Variants in RPH3AL observed in about 807,000 individuals in gnomAD.
RPH3AL encodes the protein rabphilin 3A like (without C2 domains).
Under a neutral mutation model 43.1 loss-of-function variants are expected in RPH3AL, and 38 were observed. That is an observed-to-expected ratio of 0.88 (90% CI 0.68 to 1.15). The LOEUF (loss-of-function observed/expected upper bound fraction) is 1.15, where lower values mean the gene tolerates loss of function less well. RPH3AL is among the 50% of genes most tolerant of loss of function. The pLI, the probability that RPH3AL is intolerant of heterozygous loss-of-function variation, is 0.00. For missense variants in RPH3AL, 462 were observed against 423.2 expected (o/e 1.09, Z -0.81); for synonymous variants, 189 against 176.3 (o/e 1.07, Z -0.57).
chr17:228,354 C>T (rs925184073), intron 7 of RPH3AL, among the ~76,000 whole-genome samples: 1 of 152,142 alleles, frequency 6.6e-6, no homozygotes, highest in Non-Finnish European at 1.5e-5. Context: ...AGTCCTTTAC[C>T]TCTCTGTGTG....
chr17:334,335 A>G (rs751525713), intron 1 of RPH3AL, among the ~76,000 whole-genome samples: 30 of 152,372 alleles, frequency 2.0e-4, no homozygotes, highest in Non-Finnish European at 3.2e-4. Flanking sequence ...TTTGAAAAAC[A>G]TATCCGGAGG....
At chr17:216,451 G>C (rs2040805392) in intron 8 of RPH3AL, among the ~76,000 whole-genome samples, 1 of 152,146 alleles carries the variant, frequency 6.6e-6, no homozygotes, top group Non-Finnish European at 1.5e-5. Flanking sequence ...ACTCACTAAA[G>C]GGTCTTCACT....
chr17:227,753 G>A (rs573978663), intron 7 of RPH3AL, among the ~76,000 whole-genome samples: 2 of 152,156 alleles, frequency 1.3e-5, no homozygotes, highest in East Asian at 1.9e-4. Flanking sequence ...TGTGAGCTAC[G>A]GCCACTCTGC....
intron 3 of RPH3AL, 62 bp from the exon 4 acceptor site, chr17:321,477 A>G (rs2044470823): frequency 6.8e-7 from 1 of 1,469,822 alleles, no homozygotes; most frequent in Non-Finnish European, 9.0e-7. Context: ...GGCAGCCCCT[A>G]CCACATCCAC....
At position 246,642 on chromosome 17, in the gene RPH3AL, C is replaced by T. The variant is rs377574687; in HGVS notation, c.613+469G>A. Among the ~76,000 whole-genome samples the T allele has an allele frequency of 8.5e-5, 13 of 152,230 alleles. No individual in the cohort carries two copies. Among genetic ancestry groups the T allele is most frequent in the South Asian group, 8.3e-4 (4 of 4,804 alleles). On this transcript the variant is annotated intron_variant, in intron 7 of 9. Coordinates refer to ENST00000331302, the MANE Select transcript of RPH3AL (RefSeq NM_006987.4). This position sits in a 1 kb window ranked among gnomAD's most constrained non-coding sequence, Gnocchi z 4.8. ...ACACACCTTACTGTAGCCACCAGAA[C>T]GCCCAGGGACACTGGGATACAAAGT... is the stretch of plus-strand genomic sequence containing the variant.
intron 7 of RPH3AL, among the ~76,000 whole-genome samples, chr17:238,734 C>A (rs8074031): frequency 0.46 from 70,005 of 151,934 alleles, 16,221 homozygotes; most frequent in East Asian, 0.53. Context: ...GCTACTTTCA[C>A]CTCCCACCCC....
At chr17:279,452 C>G (rs952416352) in intron 6 of RPH3AL, among the ~76,000 whole-genome samples, 4 of 152,186 alleles carry the variant, frequency 2.6e-5, no homozygotes, top group Non-Finnish European at 5.9e-5. Flanking sequence ...CTCATATTCT[C>G]TGCCTTAGGA....
intron 6 of RPH3AL, among the ~76,000 whole-genome samples, chr17:266,561 CT>C (rs1555548080): frequency 6.6e-6 from 1 of 152,212 alleles, no homozygotes; most frequent in Non-Finnish European, 1.5e-5. Flanking sequence ...CAAATCCCCC[CT>C]GGGGCAGCAA....
Position 308,612 on chromosome 17 carries a change from G to A in RPH3AL, c.351+10808C>T, listed in dbSNP as rs1044027383. Among the ~76,000 whole-genome samples the A allele has an allele frequency of 3.9e-5, 6 of 152,324 alleles. No individual in the cohort carries two copies. In the South Asian group the frequency reaches 8.3e-4, roughly 21 times the overall value. ...ATGCACATACAGTGAAATTTTCCTC[G>A]CCTTAAAAAGGATGGAAATTCCTAC... On this transcript the variant is annotated intron_variant, in intron 5 of 9. Coordinates refer to ENST00000331302, the MANE Select transcript of RPH3AL (RefSeq NM_006987.4).
At chr17:237,874 G>A (rs1283022679) in intron 7 of RPH3AL, among the ~76,000 whole-genome samples, 2 of 152,338 alleles carry the variant, frequency 1.3e-5, no homozygotes, top group African/African-American at 2.4e-5. Flanking sequence ...CAGGCCGGGT[G>A]CGGTGGCTCA....
rs150312846 is a variant in RPH3AL at position 219,380 on chromosome 17, G to A, written c.727+243C>T. 2.2e-4 allele frequency among the ~76,000 whole-genome samples: 34 copies of A among 151,136 alleles called. 2 individuals are homozygous for A. The East Asian group carries it at 6.4e-3, about 29-fold the overall frequency. On this transcript the variant is annotated intron_variant, in intron 8 of 9. Transcript: ENST00000331302. ...CACCCAGCTAATTTTCATATTTTTA[G>A]TAGAGGTGGGGTTTCACCATGTTGG...
At chr17:334,916 G>A (rs1258815443) in intron 1 of RPH3AL, among the ~76,000 whole-genome samples, 7 of 152,040 alleles carry the variant, frequency 4.6e-5, no homozygotes, top group African/African-American at 1.4e-4. Context: ...CAGCAAGTGC[G>A]GCTCCTCCTT....
intron 6 of RPH3AL, among the ~76,000 whole-genome samples, chr17:266,974 T>C (rs2042340086): frequency 6.6e-6 from 1 of 152,198 alleles, no homozygotes; most frequent in African/African-American, 2.4e-5. Flanking sequence ...CCAAGCTTCA[T>C]CTCTGGCCTC....
chr17:249,851 G>A (rs560564833), intron 6 of RPH3AL, among the ~76,000 whole-genome samples: 3 of 148,112 alleles, frequency 2.0e-5, no homozygotes, highest in South Asian at 2.1e-4. Flanking sequence ...CCTTTACCAA[G>A]CTCCGTCGCT....
intron 5 of RPH3AL, among the ~76,000 whole-genome samples, chr17:282,242 AAAT>A (rs2042798487): frequency 6.6e-6 from 1 of 152,242 alleles, no homozygotes; most frequent in African/African-American, 2.4e-5. Flanking sequence ...TGCTGCCTGG[AAAT>A]AATGCGATTC....
At chr17:302,387 C>A (rs985233762) in intron 5 of RPH3AL, among the ~76,000 whole-genome samples, 3 of 152,212 alleles carry the variant, frequency 2.0e-5, no homozygotes, top group Non-Finnish European at 4.4e-5. Context: ...CCACCCACTA[C>A]GTCCGTCCTT....
At position 274,507 on chromosome 17, in the gene RPH3AL, G is replaced by A. The variant is rs888553341; in HGVS notation, c.438+7261C>T. Among the ~76,000 whole-genome samples, 3 of 152,258 alleles carry A rather than the reference G, an allele frequency of 2.0e-5. No individual in the cohort carries two copies. Among genetic ancestry groups the A allele is most frequent in the African/African-American group, 7.2e-5 (3 of 41,464 alleles). On this transcript the variant is annotated intron_variant, in intron 6 of 9. Coordinates refer to ENST00000331302, the MANE Select transcript of RPH3AL (RefSeq NM_006987.4). The surrounding 1 kb of genome is among the most constrained non-coding windows in gnomAD (Gnocchi z 4.7). ...TCCAGAATCTAGCCAGTCCGGCAAT[G>A]TGAGTTGCATTGGGGAAGGAGTATT...
chr17:244,811 C>T (rs1597921092), intron 7 of RPH3AL, among the ~76,000 whole-genome samples: 2 of 152,162 alleles, frequency 1.3e-5, no homozygotes, highest in Admixed American at 6.5e-5. Flanking sequence ...TCTGCTCCTC[C>T]CCAGGGTGTG....
In RPH3AL at chr17:246,985, C is replaced by T. The variant is rs1340485328; in HGVS notation, c.613+126G>A. ...GTGGAGCTGAGGGCACAGGGAGGGACGCATCACCAGAATGAGCCTCGTGGA... is the reference window on the plus strand; with the variant it reads ...GTGGAGCTGAGGGCACAGGGAGGGATGCATCACCAGAATGAGCCTCGTGGA... On this transcript the variant is annotated intron_variant, in intron 7 of 9. Coordinates refer to ENST00000331302, the MANE Select transcript of RPH3AL (RefSeq NM_006987.4). The surrounding 1 kb of genome is among the most constrained non-coding windows in gnomAD (Gnocchi z 4.8). 3.1e-6 allele frequency: 3 copies of T among 978,028 alleles called. No homozygotes were observed. Among genetic ancestry groups the T allele is most frequent in the Non-Finnish European group, 3.2e-6 (2 of 627,500 alleles). The allele number at this position is 978,028 out of a possible 1,614,324, so 60.6% of individuals were successfully genotyped here. A position where few individuals can be genotyped will look rare whatever the true frequency, so the allele number is the denominator to read the frequency against.
Sources: allele counts gnomAD v4.1 joint callset (sites outside exome capture counted in the v4.1 genomes callset), GRCh38; gene constraint gnomAD v4.1.1; non-coding constraint Gnocchi (gnomAD v3.1); transcripts MANE v1.5; gene names NCBI Gene and HGNC (gene_info 2026-07-23, HGNC 2026-07-21).